PCDH11Y: variants seen among roughly 807,000 people sequenced by gnomAD.
PCDH11Y encodes protocadherin 11 Y-linked.
For synonymous variants in PCDH11Y, 9 were observed against 83.6 expected (o/e 0.11, Z 4.87); for missense variants, 12 against 224.8 (o/e 0.05, Z 6.05).
chrY:5,202,670 TC>T (rs2052928131), intron 2 of PCDH11Y, among the ~76,000 whole-genome samples: 1 of 33,011 alleles, frequency 3.0e-5, no homozygotes, highest in African/African-American at 1.2e-4. Flanking sequence ...CCCAGTCCGT[TC>T]TTTTCCACTT....
intron 4 of PCDH11Y, among the ~76,000 whole-genome samples, chrY:5,633,839 A>G (rs2124704012): frequency 3.1e-5 from 1 of 31,903 alleles, no homozygotes; most frequent in African/African-American, 1.2e-4. Context: ...TGGAGGTTGC[A>G]GTGAGCCAAG....
At chrY:5,043,392 T>G in intron 3 of PCDH11Y, among the ~76,000 whole-genome samples, 1 of 33,284 alleles carries the variant, frequency 3.0e-5, no homozygotes, top group African/African-American at 1.2e-4. Context: ...TCTTTGGATC[T>G]GTTTATATGC....
At position 5,302,090 on chromosome Y, in the gene PCDH11Y, T is replaced by C. The variant is rs369943672; in HGVS notation, c.3130-198967T>C. ...CTACTTCCAACAATATATAACCATA[T>C]AATACTGAAAATATCATTTTAAATA... On this transcript the variant is annotated intron_variant, in intron 2 of 4. Coordinates refer to the PCDH11Y transcript ENST00000400457. Among the ~76,000 whole-genome samples, 146 of 31,621 alleles carry C rather than the reference T, an allele frequency of 4.6e-3. No homozygotes were observed. In the East Asian group the frequency reaches 0.07, roughly 15 times the overall value. The allele number at this position is 31,621 out of a possible 37,273, so 84.8% of individuals were successfully genotyped here.
At chrY:5,064,854 G>A in intron 1 of PCDH11Y, among the ~76,000 whole-genome samples, 2 of 28,388 alleles carry the variant, frequency 7.0e-5, no homozygotes, top group African/African-American at 1.4e-4. Context: ...GACTACAGAC[G>A]TCTGCCACAA....
intron 2 of PCDH11Y, among the ~76,000 whole-genome samples, chrY:5,143,864 T>C: frequency 3.0e-5 from 1 of 33,385 alleles, no homozygotes; most frequent in Non-Finnish European, 7.5e-5. Context: ...GCATTTTCTC[T>C]AGAGCCTTCT....
intron 2 of PCDH11Y, among the ~76,000 whole-genome samples, chrY:5,493,910 T>C: frequency 3.0e-5 from 1 of 33,587 alleles, no homozygotes; most frequent in Non-Finnish European, 7.4e-5. Context: ...GTAGATATGA[T>C]TCTGAAAACA....
chrY:5,145,570 T>C, intron 2 of PCDH11Y, among the ~76,000 whole-genome samples: 1 of 32,933 alleles, frequency 3.0e-5, no homozygotes, highest in Admixed American at 2.8e-4. Context: ...TTCCTTAATA[T>C]AGTTAGTAGT....
intron 2 of PCDH11Y, among the ~76,000 whole-genome samples, chrY:5,115,277 A>G (rs2052807970): frequency 3.6e-5 from 1 of 28,047 alleles, no homozygotes; most frequent in Admixed American, 3.3e-4. Flanking sequence ...ATTTCTTCAA[A>G]GAAAAATATT....
chrY:5,352,816 T>C (rs2053161079), intron 2 of PCDH11Y, among the ~76,000 whole-genome samples: 1 of 33,169 alleles, frequency 3.0e-5, no homozygotes, highest in South Asian at 6.6e-4. Context: ...CACTAAGTGG[T>C]ATTTACTGAA....
At chrY:5,021,544 T>C in intron 1 of PCDH11Y, among the ~76,000 whole-genome samples, 1 of 32,758 alleles carries the variant, frequency 3.1e-5, no homozygotes, top group African/African-American at 1.2e-4. Flanking sequence ...AAAATATTTT[T>C]ACATAACAAT....
intron 2 of PCDH11Y, among the ~76,000 whole-genome samples, chrY:5,148,251 G>T (rs2052860123): frequency 3.0e-5 from 1 of 32,899 alleles, no homozygotes; most frequent in South Asian, 6.7e-4. Context: ...ATAAGAAATT[G>T]AGTACCTTTT....
chrY:5,330,294 G>T (rs2053129511), intron 2 of PCDH11Y, among the ~76,000 whole-genome samples: 1 of 32,846 alleles, frequency 3.0e-5, no homozygotes, highest in Non-Finnish European at 7.5e-5. Flanking sequence ...CTTTTGTGGT[G>T]GAATGTCATC....
At chrY:5,367,453 C>T (rs2053181676) in intron 2 of PCDH11Y, among the ~76,000 whole-genome samples, 2 of 20,280 alleles carry the variant, frequency 9.9e-5, no homozygotes, top group Non-Finnish European at 2.0e-4. Context: ...GGCGCAATCT[C>T]GGCTCACTGC....
intron 2 of PCDH11Y, among the ~76,000 whole-genome samples, chrY:5,206,569 G>T: frequency 6.6e-5 from 2 of 30,480 alleles, no homozygotes; most frequent in Non-Finnish European, 1.6e-4. Flanking sequence ...ACGCTTCCAA[G>T]CTTATAGCTG....
intron 3 of PCDH11Y, among the ~76,000 whole-genome samples, chrY:5,541,676 G>A (rs2053406725): frequency 6.7e-5 from 2 of 29,742 alleles, no homozygotes; most frequent in South Asian, 1.6e-3. Context: ...ATTTATAAAA[G>A]TGCAATTTCT....
intron 2 of PCDH11Y, among the ~76,000 whole-genome samples, chrY:5,149,836 A>C (rs2052862727): frequency 3.1e-5 from 1 of 31,986 alleles, no homozygotes; most frequent in Non-Finnish European, 7.6e-5. Context: ...CCCCCACATC[A>C]TGGAAGGCAA....
chrY:5,234,451 G>A, intron 2 of PCDH11Y, among the ~76,000 whole-genome samples: 1 of 30,336 alleles, frequency 3.3e-5, no homozygotes, highest in Non-Finnish European at 7.8e-5. Flanking sequence ...TCACCATGCT[G>A]GTCAGGCTGG....
At position 5,007,979 on chromosome Y, in the gene PCDH11Y, A is replaced by T. The variant is rs2124617637; in HGVS notation, c.-134+7374A>T. 9.2e-5 allele frequency among the ~76,000 whole-genome samples: 3 copies of T among 32,630 alleles called. No homozygotes were observed. The South Asian group carries it at 2.0e-3, about 22-fold the overall frequency. 87.5% of individuals were successfully genotyped at this position (32,630 alleles called of 37,273 possible). ...TATATTAAAATAAGTTTTTCAGTTAATTTTCTACTAGCATTATATTCTCCT... is the reference window on the plus strand; with the variant it reads ...TATATTAAAATAAGTTTTTCAGTTATTTTTCTACTAGCATTATATTCTCCT... On this transcript the variant is annotated intron_variant, in intron 1 of 5. Coordinates refer to the PCDH11Y transcript ENST00000333703.
At chrY:5,425,196 G>C in intron 2 of PCDH11Y, among the ~76,000 whole-genome samples, 1 of 33,238 alleles carries the variant, frequency 3.0e-5, no homozygotes, top group African/African-American at 1.2e-4. Context: ...CTGAAACTCT[G>C]AGTAAAATAA....
Sources: allele counts gnomAD v4.1 joint callset (sites outside exome capture counted in the v4.1 genomes callset), GRCh38; gene constraint gnomAD v4.1.1; transcripts MANE v1.5; gene names NCBI Gene and HGNC (gene_info 2026-07-23, HGNC 2026-07-21).